TCF4: variants seen among roughly 807,000 people sequenced by gnomAD.
TCF4 encodes the protein transcription factor 4.
In TCF4, 3 loss-of-function variants were observed where a neutral mutation model predicts 82.1. The observed-to-expected ratio is 0.04, with a 90% CI of 0.02 to 0.09. The LOEUF (loss-of-function observed/expected upper bound fraction) is 0.09, where lower values mean the gene tolerates loss of function less well. Ranked by LOEUF, TCF4 falls within the 10% of genes least tolerant of loss-of-function variation. The pLI is 1.00. For missense variants in TCF4, 518 were observed against 852.7 expected, an observed-to-expected ratio of 0.61 and a Z score of 4.89; for synonymous variants, 276 against 309.6, an observed-to-expected ratio of 0.89 and a Z score of 1.14.
At chr18:55,458,674 T>C (rs1440035988) in intron 5 of TCF4, among the ~76,000 whole-genome samples, 1 of 152,146 alleles carries the variant, frequency 6.6e-6, no homozygotes, top group Non-Finnish European at 1.5e-5. Flanking sequence ...AATCTAGCCT[T>C]CAGATACGCA....
In TCF4 at chr18:55,464,102, T is replaced by C; in HGVS notation, c.181A>G (p.Asn61Asp). ...CTGGACGGGCTTGGATGTCCTCCAT[T>C]CCCCCAGGACCCTGAGCTACTTCTG... ...EDRSSSGSWGNGGHPSPSRNY... is the reference protein window; with the variant it reads ...EDRSSSGSWGDGGHPSPSRNY... The change falls in exon 4 of 20, where the codon AAT becomes GAT. Residue 61 changes from asparagine to aspartate, a missense_variant. Asn to Asp is a conservative substitution (Grantham distance 23, BLOSUM62 1). Transcript: ENST00000354452. The C allele has an allele frequency of 6.2e-7, 1 of 1,613,972 alleles. No homozygotes were observed. The highest frequency in any genetic ancestry group is 1.1e-5 in the South Asian group (1 of 91,086).
At chr18:55,525,487 A>G (rs1233598890) in intron 3 of TCF4, among the ~76,000 whole-genome samples, 1 of 152,198 alleles carries the variant, frequency 6.6e-6, no homozygotes, top group Non-Finnish European at 1.5e-5. Context: ...GAAATGTACT[A>G]TCATCTTCTC....
intron 3 of TCF4, among the ~76,000 whole-genome samples, chr18:55,483,706 C>G (rs2096475382): frequency 6.6e-6 from 1 of 152,144 alleles, no homozygotes; most frequent in African/African-American, 2.4e-5. Context: ...ACAACTGTTA[C>G]CTCTACAGTG....
At chr18:55,598,369 C>G (rs1355206878) in intron 2 of TCF4, among the ~76,000 whole-genome samples, 1 of 152,128 alleles carries the variant, frequency 6.6e-6, no homozygotes, top group Non-Finnish European at 1.5e-5. Flanking sequence ...GATCCATTGG[C>G]CTTTTTTCTA....
intron 15 of TCF4, among the ~76,000 whole-genome samples, chr18:55,235,346 G>A (rs527429255): frequency 3.3e-5 from 5 of 152,114 alleles, no homozygotes; most frequent in South Asian, 2.1e-4. Context: ...CCACCACACC[G>A]GAAAATGTAC....
intron 2 of TCF4, among the ~76,000 whole-genome samples, chr18:55,626,816 G>A (rs926413860): frequency 6.6e-6 from 1 of 152,132 alleles, no homozygotes; most frequent in South Asian, 2.1e-4. Flanking sequence ...TTTGTAAGAG[G>A]AAAATGATAA....
intron 4 of TCF4, among the ~76,000 whole-genome samples, chr18:55,462,076 A>G (rs572949419): frequency 6.6e-6 from 1 of 152,296 alleles, no homozygotes; most frequent in South Asian, 2.1e-4. Context: ...AAAGGGCAAA[A>G]TCTGCCCACA....
intron 3 of TCF4, among the ~76,000 whole-genome samples, chr18:55,535,466 AT>A (rs2097106708): frequency 6.6e-6 from 1 of 152,244 alleles, no homozygotes; most frequent in Non-Finnish European, 1.5e-5. Flanking sequence ...CAGAACTGCT[AT>A]ATTAGAAACA....
At chr18:55,309,554 T>C (rs904023949) in intron 8 of TCF4, among the ~76,000 whole-genome samples, 14 of 152,222 alleles carry the variant, frequency 9.2e-5, no homozygotes, top group African/African-American at 3.4e-4. Flanking sequence ...AAATTAGAAC[T>C]GGGTTGAGAA....
chr18:55,563,319 T>C (rs1000785330), intron 3 of TCF4, among the ~76,000 whole-genome samples: 1 of 152,142 alleles, frequency 6.6e-6, no homozygotes, highest in East Asian at 1.9e-4. Flanking sequence ...TAATATTCCA[T>C]TGTGTAACTT....
rs563021481 is a variant in TCF4 at position 55,538,829 on chromosome 18, G to A, written c.145+46451C>T. Among the ~76,000 whole-genome samples the A allele has an allele frequency of 7.9e-5, 12 of 152,172 alleles. 1 individual carries two copies. The South Asian group carries it at 1.7e-3, about 21-fold the overall frequency. ...AAAAAAATTGTAAGATTTTACAGGC[G>A]AAAATGAAAGAAGGAAGGTTCGGTA... On this transcript the variant is annotated intron_variant, in intron 3 of 19. Coordinates refer to ENST00000354452, the MANE Select transcript of TCF4 (RefSeq NM_001083962.2).
chr18:55,318,126 T>G (rs550321338), intron 8 of TCF4, among the ~76,000 whole-genome samples: 2 of 152,242 alleles, frequency 1.3e-5, no homozygotes, highest in South Asian at 4.1e-4. Context: ...ACGAGGACAT[T>G]TCGCCACTTT....
chr18:55,551,646 G>A (rs1256965745), intron 3 of TCF4: 1 of 152,194 alleles, frequency 6.6e-6, no homozygotes, highest in Non-Finnish European at 1.5e-5. Context: ...GTACCTCTGA[G>A]TAATCTTTCA....
Position 55,438,479 on chromosome 18 carries a change from G to A in TCF4, c.304+22540C>T, listed in dbSNP as rs904769652. 9.9e-5 allele frequency among the ~76,000 whole-genome samples: 15 copies of A among 152,168 alleles called. No homozygotes were observed. In the East Asian group the frequency reaches 2.3e-3, roughly 24 times the overall value. On this transcript the variant is annotated intron_variant, in intron 5 of 19. Transcript: ENST00000354452. ...TGCAACTCACTCTACATAAAGAAACGCAAATGTGAAAAAAGAAAGTGATGT... is the reference window on the plus strand; with the variant it reads ...TGCAACTCACTCTACATAAAGAAACACAAATGTGAAAAAAGAAAGTGATGT...
chr18:55,344,246 T>A (rs2080665425), intron 8 of TCF4, among the ~76,000 whole-genome samples: 1 of 152,196 alleles, frequency 6.6e-6, no homozygotes, highest in Non-Finnish European at 1.5e-5. Flanking sequence ...CATTTTGCTA[T>A]GTTAGCAAAT....
chr18:55,570,829 C>A (rs923005226), intron 3 of TCF4, among the ~76,000 whole-genome samples: 2 of 150,352 alleles, frequency 1.3e-5, no homozygotes, highest in Non-Finnish European at 3.0e-5. Flanking sequence ...AGACAGTGAG[C>A]CGAGGTTGCA....
chr18:55,343,186 TAA>T (rs1201830761), intron 8 of TCF4, among the ~76,000 whole-genome samples: 1 of 152,134 alleles, frequency 6.6e-6, no homozygotes, highest in Non-Finnish European at 1.5e-5. Context: ...TGAGAAAATA[TAA>T]GTCTTTCTAA....
chr18:55,429,777 A>AAAAAAAAC, intron 5 of TCF4, among the ~76,000 whole-genome samples: 1 of 150,984 alleles, frequency 6.6e-6, no homozygotes, highest in African/African-American at 2.4e-5. Context: ...AAAAAAAAAA[A>AAAAAAAAC]AAAAAAAAAA....
intron 3 of TCF4, among the ~76,000 whole-genome samples, chr18:55,581,189 G>A (rs193246752): frequency 5.3e-5 from 8 of 152,070 alleles, no homozygotes; most frequent in East Asian, 1.9e-4. Flanking sequence ...GCCCCATTAC[G>A]CAGTACAAAG....
Sources: allele counts gnomAD v4.1 joint callset (sites outside exome capture counted in the v4.1 genomes callset), GRCh38; gene constraint gnomAD v4.1.1; transcripts MANE v1.5; gene names NCBI Gene and HGNC (gene_info 2026-07-23, HGNC 2026-07-21).